The following AP3B2 variants were observed in gnomAD, a reference collection of about 807,000 sequenced individuals.
AP3B2 encodes AP-3 complex subunit beta-2.
A neutral mutation model predicts 126.9 loss-of-function variants in AP3B2; 50 were observed. The observed-to-expected ratio is 0.39, with a 90% confidence interval of 0.31 to 0.50. The LOEUF (loss-of-function observed/expected upper bound fraction) is 0.50, where lower values mean the gene tolerates loss of function less well. AP3B2 is among the 20% of genes least tolerant of loss of function. The pLI is 0.79. For synonymous variants in AP3B2, 541 were observed against 565.0 expected, an observed-to-expected ratio of 0.96 and a Z score of 0.60; for missense variants, 1,177 against 1,426.4, an observed-to-expected ratio of 0.83 and a Z score of 2.82.
At position 82,665,688 on chromosome 15, in the gene AP3B2, G is replaced by T; in HGVS notation, c.1853-113C>A. On this transcript the variant is annotated intron_variant, in intron 15 of 26. Transcript: ENST00000535359. The surrounding 1 kb of genome is among the most constrained non-coding windows in gnomAD (Gnocchi z 4.4). Reference sequence around the variant, plus strand: ...TGGTTGGGACTTCCCAGGTGGGTAGGGGAAGGAGATGGATGTGTGCCCTAA... The same window carrying T: ...TGGTTGGGACTTCCCAGGTGGGTAGTGGAAGGAGATGGATGTGTGCCCTAA... 3.8e-6 allele frequency: 3 copies of T among 783,630 alleles called. No homozygotes were observed. The highest frequency in any genetic ancestry group is 2.5e-5 in the East Asian group (1 of 39,598). The allele number at this position is 783,630 out of a possible 1,614,324, so 48.5% of individuals were successfully genotyped here. A position where few individuals can be genotyped will look rare whatever the true frequency, so the allele number is the denominator to read the frequency against.
At chr15:82,698,742 G>A (rs1444837151) in intron 1 of AP3B2, among the ~76,000 whole-genome samples, 1 of 151,846 alleles carries the variant, frequency 6.6e-6, no homozygotes, top group Non-Finnish European at 1.5e-5. Context: ...TTAACTCTGG[G>A]TATTCCCTTC....
rs973919860 is a variant in AP3B2, at chr15:82,709,841, A to G, written c.-135T>C. On this transcript the variant is annotated 5_prime_UTR_variant, in exon 1 of 27. Transcript: ENST00000535359. ...GCGGCAGGGGTTCAGCAGAGGCTGCAGTGTGCAGCGGCGGAGGCTGCGCGC... is the reference window on the plus strand; with the variant it reads ...GCGGCAGGGGTTCAGCAGAGGCTGCGGTGTGCAGCGGCGGAGGCTGCGCGC... 2.4e-4 allele frequency: 147 copies of G among 621,264 alleles called. 1 individual carries two copies. The highest frequency in any genetic ancestry group is 1.5e-3 in the Middle Eastern group (3 of 2,066). 38.5% of individuals were successfully genotyped at this position (621,264 alleles called of 1,614,324 possible). A position where few individuals can be genotyped will look rare whatever the true frequency, so the allele number is the denominator to read the frequency against.
At chr15:82,693,820 C>A (rs543578210) in intron 1 of AP3B2, among the ~76,000 whole-genome samples, 1 of 152,026 alleles carries the variant, frequency 6.6e-6, no homozygotes, top group East Asian at 1.9e-4. Context: ...CCTGCCTCAG[C>A]CTCCAGAATA....
chr15:82,707,640 G>C (rs1286052447), intron 1 of AP3B2, among the ~76,000 whole-genome samples: 2 of 151,826 alleles, frequency 1.3e-5, no homozygotes, highest in African/African-American at 2.4e-5. Flanking sequence ...TTGCTGGCAG[G>C]GCTATGCTGA....
chr15:82,665,251 G>GT lies in AP3B2; in HGVS notation c.2023dup (p.Thr675AsnfsTer2). On this transcript the variant is annotated frameshift_variant, in exon 17 of 27. Transcript: ENST00000535359. LOFTEE classifies it high-confidence loss of function. This position sits in a 1 kb window ranked among gnomAD's most constrained non-coding sequence, Gnocchi z 4.4. Reference sequence around the variant, plus strand: ...CACGTCACACGAAGGTGGGACCTCAGTGTATTCGCCCAACAGGCCCACGTG... The same window carrying GT: ...CACGTCACACGAAGGTGGGACCTCAGTTGTATTCGCCCAACAGGCCCACGTG... 2 of 1,539,054 alleles carry GT rather than the reference G, an allele frequency of 1.3e-6. No individual in the cohort carries two copies. The highest frequency in any genetic ancestry group is 1.7e-6 in the Non-Finnish European group (2 of 1,148,328).
At chr15:82,688,605 C>G in intron 4 of AP3B2, 131 bp downstream of exon 4, 4 of 857,574 alleles carry the variant, frequency 4.7e-6, no homozygotes, top group Non-Finnish European at 7.7e-6. Flanking sequence ...GACTGTGACC[C>G]TCCCAATTTT....
Position 82,663,171 on chromosome 15 carries a change from C to A in AP3B2, c.2560G>T (p.Asp854Tyr). The A allele has an allele frequency of 6.2e-7, 1 of 1,612,770 alleles. No individual in the cohort carries two copies. Among genetic ancestry groups the A allele is most frequent in the South Asian group, 1.1e-5 (1 of 90,934 alleles). The change falls in exon 22 of 27, where the codon GAC becomes TAC. Residue 854 changes from aspartate to tyrosine, a missense_variant. By Grantham distance (160) the Asp-to-Tyr change is radical. Coordinates refer to ENST00000535359, the MANE Select transcript of AP3B2 (RefSeq NM_001278512.2). ...TCTGTGAGTGTCAGGCCCTCCAGGT[C>A]AGCAGCCAGACTGGTAGACACAATT... Reference protein sequence around the residue: ...PAIVSTSLAADLEGLTLTDST... With the variant: ...PAIVSTSLAAYLEGLTLTDST...
chr15:82,669,799 C>G (rs1208034165), intron 14 of AP3B2, among the ~76,000 whole-genome samples: 1 of 151,006 alleles, frequency 6.6e-6, no homozygotes, highest in Non-Finnish European at 1.5e-5. Context: ...GTCAGGAGTT[C>G]GAGACCAGTC....
chr15:82,665,129 G>C lies in AP3B2; in HGVS notation c.2028+118C>G. The C allele has an allele frequency of 2.5e-6, 3 of 1,200,646 alleles. No individual in the cohort carries two copies. The highest frequency in any genetic ancestry group is 3.5e-6 in the Non-Finnish European group (3 of 849,148). The allele number at this position is 1,200,646 out of a possible 1,614,324, so 74.4% of individuals were successfully genotyped here. The stretch of plus-strand genomic sequence containing the variant: ...GGGAGGGAATGCTGCTCACAGAGGA[G>C]CACTGCCAAACCAAGGTGGAAACAG... On this transcript the variant is annotated intron_variant, in intron 17 of 26. Coordinates refer to ENST00000535359, the MANE Select transcript of AP3B2 (RefSeq NM_001278512.2). This position sits in a 1 kb window ranked among gnomAD's most constrained non-coding sequence, Gnocchi z 4.4.
Position 82,663,208 on chromosome 15 carries a change from CACAG to C in AP3B2, c.2519_2522del (p.Pro840ArgfsTer18). ...TGGTAGACACAATTGCTGGGGGAGA[CACAG>C]GCTGGACACTGGGAGGGGTGACTGT... On this transcript the variant is annotated frameshift_variant, in exon 22 of 27. Coordinates refer to ENST00000535359, the MANE Select transcript of AP3B2 (RefSeq NM_001278512.2). LOFTEE classifies it high-confidence loss of function. 6.2e-7 allele frequency: 1 copy of C among 1,613,106 alleles called. No homozygotes were observed. The highest frequency in any genetic ancestry group is 8.5e-7 in the Non-Finnish European group (1 of 1,179,740).
intron 21 of AP3B2, 42 bp from the exon 22 acceptor site, chr15:82,663,275 G>C (rs754093472): frequency 6.7e-7 from 1 of 1,502,540 alleles, no homozygotes; most frequent in Non-Finnish European, 9.2e-7. Flanking sequence ...AAGTGGAGGT[G>C]GCTTGGGTTG....
At chr15:82,685,823 G>A (rs1271818574) in intron 4 of AP3B2, 1 of 152,154 alleles carries the variant, frequency 6.6e-6, no homozygotes, top group African/African-American at 2.4e-5. Context: ...TAATAGCCAA[G>A]CATTTTTAAG....
At chr15:82,701,868 G>C (rs992641949) in intron 1 of AP3B2, among the ~76,000 whole-genome samples, 5 of 152,212 alleles carry the variant, frequency 3.3e-5, no homozygotes, top group Non-Finnish European at 5.9e-5. Flanking sequence ...GTGGGGAATA[G>C]AGTAGAAAGG....
intron 14 of AP3B2, among the ~76,000 whole-genome samples, chr15:82,672,267 TAAA>T (rs1480116299): frequency 6.6e-6 from 1 of 151,944 alleles, no homozygotes; most frequent in Non-Finnish European, 1.5e-5. Flanking sequence ...TGCAGTACTA[TAAA>T]AAAAGAATAA....
At chr15:82,684,042 T>A (rs554338224) in intron 4 of AP3B2, among the ~76,000 whole-genome samples, 1 of 152,314 alleles carries the variant, frequency 6.6e-6, no homozygotes, top group East Asian at 1.9e-4. Flanking sequence ...GCAGAGGAGA[T>A]CTGCCATAAT....
At chr15:82,674,612 T>G (rs533744845) in intron 14 of AP3B2, among the ~76,000 whole-genome samples, 1 of 152,336 alleles carries the variant, frequency 6.6e-6, no homozygotes, top group African/African-American at 2.4e-5. Flanking sequence ...TGTGAGTATC[T>G]GGAGACCTGT....
At chr15:82,674,156 C>G (rs988618966) in intron 14 of AP3B2, among the ~76,000 whole-genome samples, 2 of 152,168 alleles carry the variant, frequency 1.3e-5, no homozygotes, top group Non-Finnish European at 2.9e-5. Context: ...GGCCCATGTC[C>G]AAATTGGAGA....
chr15:82,684,507 G>A (rs1249526087), intron 4 of AP3B2, among the ~76,000 whole-genome samples: 2 of 152,158 alleles, frequency 1.3e-5, no homozygotes, highest in Non-Finnish European at 2.9e-5. Flanking sequence ...TAGCTGGTTT[G>A]ATCGTCTATC....
intron 1 of AP3B2, among the ~76,000 whole-genome samples, chr15:82,700,693 C>T (rs1295055851): frequency 6.6e-6 from 1 of 151,836 alleles, no homozygotes; most frequent in Non-Finnish European, 1.5e-5. Context: ...GCCACCGCGC[C>T]TGGCCTGGTT....
Sources: allele counts gnomAD v4.1 joint callset (sites outside exome capture counted in the v4.1 genomes callset), GRCh38; gene constraint gnomAD v4.1.1; non-coding constraint Gnocchi (gnomAD v3.1); transcripts MANE v1.5; gene names NCBI Gene and HGNC (gene_info 2026-07-23, HGNC 2026-07-21).